RAB38: variants seen among roughly 807,000 people sequenced by gnomAD.
RAB38 encodes RAB38, member RAS oncogene family.
Under a neutral mutation model 18.4 loss-of-function variants are expected in RAB38, and 15 were observed. The observed-to-expected ratio is 0.82, with a 90% CI of 0.55 to 1.26. The LOEUF (loss-of-function observed/expected upper bound fraction) is 1.26, where lower values mean the gene tolerates loss of function less well. RAB38 is among the 50% of genes most tolerant of loss of function. RAB38 has a pLI of 0.00. For synonymous variants in RAB38, 101 were observed against 104.4 expected (o/e 0.97, Z 0.20); for missense variants, 294 against 267.4 (o/e 1.10, Z -0.69).
the RAB38 span, among the ~76,000 whole-genome samples, chr11:87,948,302 C>T: frequency 6.6e-6 from 1 of 152,188 alleles, no homozygotes; most frequent in Non-Finnish European, 1.5e-5. Context: ...TGGGCTGAGA[C>T]AATGGGGTTT....
the RAB38 span, among the ~76,000 whole-genome samples, chr11:87,969,658 G>A: frequency 6.6e-6 from 1 of 152,064 alleles, no homozygotes; most frequent in African/African-American, 2.4e-5. Flanking sequence ...GTCTGTGTCG[G>A]GAAATTATAT....
the RAB38 span, among the ~76,000 whole-genome samples, chr11:87,967,580 C>T: frequency 6.6e-6 from 1 of 152,120 alleles, no homozygotes; most frequent in African/African-American, 2.4e-5. Flanking sequence ...CAATGCAATA[C>T]ATTAAGAGAA....
At chr11:87,805,623 GCACACA>G in the RAB38 span, among the ~76,000 whole-genome samples, 936 of 114,480 alleles carry the variant, frequency 8.2e-3, 4 homozygotes, top group South Asian at 0.019. Flanking sequence ...ACACACACAC[GCACACA>G]CACACACACA....
At chr11:87,924,826 GT>G in the RAB38 span, among the ~76,000 whole-genome samples, 2 of 152,004 alleles carry the variant, frequency 1.3e-5, no homozygotes, top group Non-Finnish European at 2.9e-5. Context: ...CAAAGATCCA[GT>G]TTTTCCACTG....
At chr11:87,859,843 G>T in the RAB38 span, among the ~76,000 whole-genome samples, 3 of 152,060 alleles carry the variant, frequency 2.0e-5, no homozygotes, top group African/African-American at 7.2e-5. Flanking sequence ...GTGGCAGAAA[G>T]ATTTTAGTGC....
chr11:87,842,177 T>C, the RAB38 span, among the ~76,000 whole-genome samples: 47 of 152,240 alleles, frequency 3.1e-4, 2 homozygotes, highest in East Asian at 8.7e-3. Context: ...AAGGAAATTT[T>C]AGCAGCTTAC....
At chr11:87,972,181 A>C in the RAB38 span, among the ~76,000 whole-genome samples, 1 of 152,066 alleles carries the variant, frequency 6.6e-6, no homozygotes, top group Admixed American at 6.6e-5. Context: ...GATTGAAAAT[A>C]TTTATAAGGT....
chr11:88,048,945 C>T, the RAB38 span, among the ~76,000 whole-genome samples: 1,157 of 152,150 alleles, frequency 7.6e-3, 10 homozygotes, highest in African/African-American at 0.027. Flanking sequence ...TGTCTTATTC[C>T]GTTTAGTTTT....
At chr11:88,100,311 G>A in the RAB38 span, among the ~76,000 whole-genome samples, 1 of 151,904 alleles carries the variant, frequency 6.6e-6, no homozygotes, top group African/African-American at 2.4e-5. Flanking sequence ...AACATAAATC[G>A]AAAACATTTG....
the RAB38 span, among the ~76,000 whole-genome samples, chr11:87,939,522 G>A: frequency 2.6e-5 from 4 of 151,940 alleles, no homozygotes; most frequent in Non-Finnish European, 4.4e-5. Context: ...GGCATACTTT[G>A]TCCTTCTCAA....
the RAB38 span, among the ~76,000 whole-genome samples, chr11:87,976,526 ATAT>A: frequency 3.7e-3 from 2 of 546 alleles, no homozygotes; most frequent in Non-Finnish European, 9.9e-3. Context: ...TATTTTATAT[ATAT>A]TTTTTACATT....
the RAB38 span, among the ~76,000 whole-genome samples, chr11:87,873,922 G>GTGTGTCTATATATATATATA: frequency 9.7e-6 from 1 of 103,122 alleles, no homozygotes; most frequent in Non-Finnish European, 1.9e-5. Context: ...GTGTGTGTGT[G>GTGTGTCTATATATATATATA]TATATATATA....
the RAB38 span, among the ~76,000 whole-genome samples, chr11:88,004,526 A>G: frequency 6.6e-6 from 1 of 151,250 alleles, no homozygotes; most frequent in African/African-American, 2.4e-5. Context: ...TTACACTTAT[A>G]TCACTCTTAA....
chr11:88,159,315 T>G (rs1459259335), intron 1 of RAB38, among the ~76,000 whole-genome samples: 5 of 150,848 alleles, frequency 3.3e-5, no homozygotes, highest in Non-Finnish European at 7.4e-5. Context: ...TATGAAACAC[T>G]ACTAAAAACA....
chr11:88,160,506 C>T (rs1307388882), intron 1 of RAB38, among the ~76,000 whole-genome samples: 2 of 152,062 alleles, frequency 1.3e-5, no homozygotes, highest in Non-Finnish European at 1.5e-5. Context: ...GAAAGCAAAT[C>T]ATTCTACCAA....
At position 88,114,014 on chromosome 11, in the gene RAB38, T is replaced by G. The variant is rs748892433; in HGVS notation, c.610A>C (p.Ser204Arg). ...TAGGATTTGGCACAGCCAGAGCAGC[T>G]GGCAACCTTGGTTGATGTGAGATGG... ...KPHLTSTKVA[S>R]CSGCAKS is the part of the protein sequence containing the mutation. Residue 204 changes from serine to arginine, a missense_variant, in exon 3 of 3, where the codon AGC becomes CGC. By Grantham distance (110) the Ser-to-Arg change is moderately radical. Coordinates refer to ENST00000243662, the MANE Select transcript of RAB38 (RefSeq NM_022337.3). 6.2e-7 allele frequency: 1 copy of G among 1,614,174 alleles called. No individual in the cohort carries two copies. Among genetic ancestry groups the G allele is most frequent in the Admixed American group, 1.7e-5 (1 of 60,010 alleles).
At chr11:88,027,454 G>T in the RAB38 span, among the ~76,000 whole-genome samples, 5 of 152,184 alleles carry the variant, frequency 3.3e-5, no homozygotes, top group African/African-American at 1.2e-4. Flanking sequence ...GGGTCAGGGA[G>T]TTCCCTTTCC....
chr11:87,842,516 TATTA>T, the RAB38 span, among the ~76,000 whole-genome samples: 1 of 152,196 alleles, frequency 6.6e-6, no homozygotes, highest in African/African-American at 2.4e-5. Flanking sequence ...TCTCAACAAC[TATTA>T]ATTAGTATCT....
chr11:87,926,756 G>T, the RAB38 span, among the ~76,000 whole-genome samples: 1 of 151,950 alleles, frequency 6.6e-6, no homozygotes, highest in East Asian at 1.9e-4. Flanking sequence ...GGACCTGACC[G>T]GCTAATCTGT....
Sources: allele counts gnomAD v4.1 joint callset (sites outside exome capture counted in the v4.1 genomes callset), GRCh38; gene constraint gnomAD v4.1.1; transcripts MANE v1.5; gene names NCBI Gene and HGNC (gene_info 2026-07-23, HGNC 2026-07-21).